STOX1: variants seen among roughly 807,000 people sequenced by gnomAD.
STOX1 encodes the protein storkhead box 1, also known as storkhead-box protein 1.
In STOX1, 57 loss-of-function variants were observed where a neutral mutation model predicts 74.8. The ratio of observed to expected loss-of-function variants is 0.76; its 90% CI spans 0.62 to 0.95. The LOEUF is 0.95. Ranked by LOEUF, STOX1 falls within the 40% of genes least tolerant of loss-of-function variation. STOX1 has a pLI of 0.00. For synonymous variants in STOX1, 375 were observed against 401.3 expected, an observed-to-expected ratio of 0.93 and a Z score of 0.78; for missense variants, 1,010 against 1,117.0, an observed-to-expected ratio of 0.90 and a Z score of 1.37.
chr10:68,828,297 C>T lies in STOX1; in HGVS notation c.310+364C>T, dbSNP rs1839317810. 10 of 1,168,268 alleles carry T rather than the reference C, an allele frequency of 8.6e-6. 1 individual carries two copies. Among genetic ancestry groups the T allele is most frequent in the African/African-American group, 6.4e-5 (4 of 62,080 alleles). 72.4% of individuals were successfully genotyped at this position (1,168,268 alleles called of 1,614,324 possible). On this transcript the variant is annotated intron_variant, in intron 1 of 3. Coordinates refer to ENST00000298596, the MANE Select transcript of STOX1 (RefSeq NM_152709.5). ...GAGTGCGGGACCCGGAGGGGAGGGG[C>T]GTCCCGCGCCAGCTGTGAGCGCGGA...
chr10:68,872,767 G>C, intron 1 of STOX1, among the ~76,000 whole-genome samples: 1 of 152,156 alleles, frequency 6.6e-6, no homozygotes, highest in South Asian at 2.1e-4. Flanking sequence ...CTGTCTTGCA[G>C]ATTAGTAGCA....
chr10:68,857,853 A>G (rs998297854), intron 1 of STOX1, among the ~76,000 whole-genome samples: 3 of 152,198 alleles, frequency 2.0e-5, no homozygotes, highest in African/African-American at 7.2e-5. Flanking sequence ...GGGTTGGTGA[A>G]GGGAGCTTCA....
At chr10:68,856,363 A>G (rs992223172) in intron 1 of STOX1, among the ~76,000 whole-genome samples, 3 of 151,940 alleles carry the variant, frequency 2.0e-5, no homozygotes, top group African/African-American at 7.3e-5. Context: ...AATGCAGGTG[A>G]CAGCATGGCG....
In STOX1 at chr10:68,861,330, T is replaced by A. The variant is rs4320849; in HGVS notation, c.311-20628T>A. On this transcript the variant is annotated intron_variant, in intron 1 of 3. Transcript: ENST00000298596. ...AAGAACAAAGGGACAGGGTCTGGCTTTTTATCTGCAGCAGGAACATGTCCT... is the reference window on the plus strand; with the variant it reads ...AAGAACAAAGGGACAGGGTCTGGCTATTTATCTGCAGCAGGAACATGTCCT... Among the ~76,000 whole-genome samples the A allele has an allele frequency of 7.2e-5, 11 of 152,034 alleles. No homozygotes were observed. In the East Asian group the frequency reaches 1.9e-3, roughly 27 times the overall value.
downstream of STOX1, among the ~76,000 whole-genome samples, chr10:68,895,004 G>T (rs1380915041): frequency 6.6e-6 from 1 of 152,234 alleles, no homozygotes; most frequent in African/African-American, 2.4e-5. Flanking sequence ...AATTACAGAT[G>T]TGAGCCACTG....
chr10:68,847,400 TAGAAG>T (rs1839879850), intron 1 of STOX1, among the ~76,000 whole-genome samples: 1 of 147,128 alleles, frequency 6.8e-6, no homozygotes, highest in Non-Finnish European at 1.5e-5. Flanking sequence ...GATTGGAAGG[TAGAAG>T]GTTTTGTTTT....
rs748452469 is a variant in STOX1 at position 68,885,303 on chromosome 10, C to G, written c.1507C>G (p.Arg503Gly). ...TAATCCTTTCCAGGGTTTGTCTCAC[C>G]GAGGAAGCACAATATCCAAAGGGCA... ...ISNPFQGLSH[R>G]GSTISKGHKI... is the part of the protein sequence containing the mutation. Residue 503 changes from arginine (R) to glycine (G), a missense_variant, in exon 3 of 4, where the codon CGA (arginine) becomes GGA (glycine). Physicochemically the swap from Arg to Gly is moderately radical, Grantham distance 125 (BLOSUM62 -2). Coordinates refer to ENST00000298596, the MANE Select transcript of STOX1 (RefSeq NM_152709.5). 6.2e-7 allele frequency: 1 copy of G among 1,614,092 alleles called. No individual in the cohort carries two copies. Among genetic ancestry groups the G allele is most frequent in the Non-Finnish European group, 8.5e-7 (1 of 1,180,016 alleles).
At chr10:68,868,319 A>G (rs1482120503) in intron 1 of STOX1, among the ~76,000 whole-genome samples, 1 of 152,212 alleles carries the variant, frequency 6.6e-6, no homozygotes, top group East Asian at 1.9e-4. Context: ...TTTATAGATT[A>G]ACTAAAACTA....
intron 3 of STOX1, among the ~76,000 whole-genome samples, chr10:68,890,068 C>T (rs1841061878): frequency 1.3e-5 from 2 of 151,988 alleles, no homozygotes; most frequent in African/African-American, 4.8e-5. Context: ...GTGATCCACC[C>T]ACCTTGGCTG....
At chr10:68,880,342 A>G (rs1589235013) in intron 1 of STOX1, among the ~76,000 whole-genome samples, 2 of 151,950 alleles carry the variant, frequency 1.3e-5, no homozygotes, top group Non-Finnish European at 2.9e-5. Flanking sequence ...ATCCTGGCTA[A>G]TTTTTAAAAT....
chr10:68,884,386 C>T lies in STOX1; in HGVS notation c.590C>T (p.Thr197Ile), dbSNP rs1348652170. 3 of 1,614,152 alleles carry T rather than the reference C, an allele frequency of 1.9e-6. No homozygotes were observed. Among genetic ancestry groups the T allele is most frequent in the East Asian group, 2.2e-5 (1 of 44,890 alleles). The change falls in exon 3 of 4, where the codon ACA (threonine) becomes ATA (isoleucine). Residue 197 changes from threonine to isoleucine, a missense_variant. Transcript: ENST00000298596. ...CCTCAGACTTACTTCATTACAAATACAACCACCCAGGAAAATAAGAGAATG... is the reference window on the plus strand; with the variant it reads ...CCTCAGACTTACTTCATTACAAATATAACCACCCAGGAAAATAAGAGAATG... Reference protein sequence around the residue: ...VTPQTYFITNTTTQENKRMLP... With the variant: ...VTPQTYFITNITTQENKRMLP...
At chr10:68,832,966 C>A (rs982171621) in intron 1 of STOX1, among the ~76,000 whole-genome samples, 1 of 151,760 alleles carries the variant, frequency 6.6e-6, no homozygotes, top group African/African-American at 2.4e-5. Flanking sequence ...AGGTCTTGCT[C>A]GCTATGTTAT....
At chr10:68,830,449 T>G (rs909992612) in intron 1 of STOX1, among the ~76,000 whole-genome samples, 1 of 152,140 alleles carries the variant, frequency 6.6e-6, no homozygotes, top group South Asian at 2.1e-4. Context: ...TTCAAGTGCT[T>G]CTCCTGCCTC....
rs1221621622 is a variant in STOX1 at position 68,884,863 on chromosome 10, A to G, written c.1067A>G (p.Asp356Gly). 1.9e-6 allele frequency: 3 copies of G among 1,614,054 alleles called. No homozygotes were observed. The highest frequency in any genetic ancestry group is 1.1e-5 in the South Asian group (1 of 91,074). The part of the protein sequence containing the change: ...DEDDLDNIPR[D>G]VEHEIIKRIN... Reference sequence around the variant, plus strand: ...GATGACTTGGACAATATCCCTCGAGATGTTGAACATGAGATAATCAAACGA... The same window carrying G: ...GATGACTTGGACAATATCCCTCGAGGTGTTGAACATGAGATAATCAAACGA... Residue 356 changes from aspartate (D) to glycine (G), a missense_variant, in exon 3 of 4, where the codon GAT becomes GGT. Coordinates refer to ENST00000298596, the MANE Select transcript of STOX1 (RefSeq NM_152709.5).
chr10:68,832,932 T>TA (rs1230748252), intron 1 of STOX1, among the ~76,000 whole-genome samples: 1 of 151,422 alleles, frequency 6.6e-6, no homozygotes, highest in Admixed American at 6.6e-5. Context: ...CCTAGCTAAT[T>TA]AAAAAAAAAT....
chr10:68,865,904 G>T (rs1194485826), intron 1 of STOX1, among the ~76,000 whole-genome samples: 1 of 152,008 alleles, frequency 6.6e-6, no homozygotes, highest in African/African-American at 2.4e-5. Context: ...TATCCATATT[G>T]GCTTGTCTGT....
intron 1 of STOX1, among the ~76,000 whole-genome samples, chr10:68,855,686 C>G (rs1466391589): frequency 6.6e-6 from 1 of 151,646 alleles, no homozygotes; most frequent in African/African-American, 2.4e-5. Context: ...CTTAAGTGAT[C>G]CTCCCACCTC....
At chr10:68,849,604 A>G (rs1000411675) in intron 1 of STOX1, among the ~76,000 whole-genome samples, 2 of 152,110 alleles carry the variant, frequency 1.3e-5, no homozygotes, top group African/African-American at 2.4e-5. Flanking sequence ...GGGAGGACCC[A>G]GGGAGCTCAG....
downstream of STOX1, among the ~76,000 whole-genome samples, chr10:68,894,061 TTTTC>T (rs1841150599): frequency 6.7e-6 from 1 of 149,968 alleles, no homozygotes; most frequent in Non-Finnish European, 1.5e-5. Flanking sequence ...ATGTCTTTTC[TTTTC>T]TTTTTTTTTT....
Sources: gnomAD v4.1 joint callset for allele counts (sites outside exome capture counted in the v4.1 genomes callset) on GRCh38, gnomAD v4.1.1 for gene constraint, MANE v1.5 for transcripts, NCBI Gene and HGNC (gene_info 2026-07-23, HGNC 2026-07-21) for gene names.